The following DCLK3 variants were observed in gnomAD, a reference collection of about 807,000 sequenced individuals.
The protein encoded by DCLK3 is doublecortin like kinase 3.
DCLK3 carries 30 observed loss-of-function variants against 46.4 expected under a neutral mutation model. The observed-to-expected ratio is 0.65, with a 90% confidence interval of 0.48 to 0.88. DCLK3 has a LOEUF of 0.88. DCLK3 is among the 40% of genes least tolerant of loss of function. DCLK3 has a pLI of 0.00. For missense variants in DCLK3, 846 were observed against 907.1 expected, an observed-to-expected ratio of 0.93 and a Z score of 0.87; for synonymous variants, 401 against 339.2, an observed-to-expected ratio of 1.18 and a Z score of -2.00.
chr3:36,759,255 C>A (rs898108832), intron 1 of DCLK3, among the ~76,000 whole-genome samples: 4 of 152,142 alleles, frequency 2.6e-5, no homozygotes, highest in Non-Finnish European at 5.9e-5. Flanking sequence ...CTTTTTCTTC[C>A]ATCCCAGCCG....
At chr3:36,718,809 G>A (rs1023004180) in intron 3 of DCLK3, among the ~76,000 whole-genome samples, 3 of 151,890 alleles carry the variant, frequency 2.0e-5, no homozygotes, top group African/African-American at 7.3e-5. Flanking sequence ...ATCCCCATGT[G>A]TGCACACACT....
At chr3:36,742,191 C>T (rs1245628563) in intron 1 of DCLK3, among the ~76,000 whole-genome samples, 2 of 152,110 alleles carry the variant, frequency 1.3e-5, no homozygotes, top group Non-Finnish European at 2.9e-5. Context: ...ACAATAGGAC[C>T]AGTGGCCTCA....
Position 36,737,931 on chromosome 3 carries a change from C to T in DCLK3, c.1236G>A (p.Lys412=). 6.2e-7 allele frequency: 1 copy of T among 1,614,166 alleles called. No homozygotes were observed. The highest frequency in any genetic ancestry group is 8.5e-7 in the Non-Finnish European group (1 of 1,180,036). The change falls in exon 2 of 5, where the codon AAG becomes AAA. Residue 412 remains lysine (K), a synonymous_variant. Transcript: ENST00000636136. This position sits in a 1 kb window ranked among gnomAD's most constrained non-coding sequence, Gnocchi z 4.4. ...CAGGAAGAACTTCCACAAGGTCCTT[C>T]TTGGCCTTGGCTGCTCCCTGAGCAT... ...ESHAQGAAKA[K]KDLVEVLPVT...
chr3:36,738,071 C>G lies in DCLK3; in HGVS notation c.1096G>C (p.Gly366Arg). 6.2e-7 allele frequency: 1 copy of G among 1,613,728 alleles called. No individual in the cohort carries two copies. Among genetic ancestry groups the G allele is most frequent in the Non-Finnish European group, 8.5e-7 (1 of 1,179,822 alleles). ...CTCCTGTGGCTGTCACCCTTCCACCCTTCCTCCCCACTTGCAGGATTTGCC... is the reference window on the plus strand; with the variant it reads ...CTCCTGTGGCTGTCACCCTTCCACCGTTCCTCCCCACTTGCAGGATTTGCC... Reference protein sequence around the residue: ...PEANPASGEEGWKGDSHRSSP... With the variant: ...PEANPASGEERWKGDSHRSSP... Residue 366 changes from glycine (G) to arginine (R), a missense_variant, in exon 2 of 5, where the codon GGG becomes CGG. By Grantham distance (125) the Gly-to-Arg change is moderately radical. This residue lies in a region of DCLK3 where 553 missense variants were observed against 543.0 expected (regional missense o/e 1.02). Coordinates refer to ENST00000636136, the MANE Select transcript of DCLK3 (RefSeq NM_001394672.2).
chr3:36,721,300 C>CAT (rs1455639966), intron 3 of DCLK3, among the ~76,000 whole-genome samples: 2 of 152,022 alleles, frequency 1.3e-5, no homozygotes, highest in East Asian at 3.9e-4. Flanking sequence ...CACACACACA[C>CAT]ACATGCACAC....
Position 36,722,526 on chromosome 3 carries a change from GCT to G in DCLK3, c.1960-869_1960-868del, listed in dbSNP as rs1169985897. Among the ~76,000 whole-genome samples, 4 of 152,236 alleles carry G rather than the reference GCT, an allele frequency of 2.6e-5. No homozygotes were observed. In the East Asian group the frequency reaches 7.7e-4, roughly 29 times the overall value. ...CTAGTATGTACCCTGATATGGTTTG[GCT>G]GTGTCCCTACCCAAATCTCATCTTG... is the stretch of plus-strand genomic sequence containing the variant. On this transcript the variant is annotated intron_variant, in intron 2 of 4. Coordinates refer to ENST00000636136, the MANE Select transcript of DCLK3 (RefSeq NM_001394672.2).
intron 1 of DCLK3, among the ~76,000 whole-genome samples, chr3:36,761,250 C>T (rs4678902): frequency 0.86 from 131,582 of 152,230 alleles, 57,053 homozygotes; most frequent in African/African-American, 0.92. Context: ...CCTATAATCA[C>T]TGGATGAGTC....
At chr3:36,760,195 C>A (rs1015652401) in intron 1 of DCLK3, among the ~76,000 whole-genome samples, 3 of 152,256 alleles carry the variant, frequency 2.0e-5, no homozygotes, top group Non-Finnish European at 2.9e-5. Context: ...GAGGCCTGAA[C>A]CCTCCCCATC....
At chr3:36,725,447 C>G (rs536714178) in intron 2 of DCLK3, among the ~76,000 whole-genome samples, 36 of 152,048 alleles carry the variant, frequency 2.4e-4, no homozygotes, top group Non-Finnish European at 4.7e-4. Context: ...GGAGACCCCA[C>G]CTCTACAAAT....
chr3:36,730,346 G>A (rs1040026773), intron 2 of DCLK3, among the ~76,000 whole-genome samples: 1 of 151,914 alleles, frequency 6.6e-6, no homozygotes, highest in Non-Finnish European at 1.5e-5. Flanking sequence ...TTTGGTGTCT[G>A]TTTATTGCAT....
intron 4 of DCLK3, 51 bp from the exon 5 acceptor site, chr3:36,715,572 T>C: frequency 1.3e-6 from 2 of 1,501,198 alleles, no homozygotes; most frequent in Non-Finnish European, 1.8e-6. Context: ...TGGTTCTGAA[T>C]TTTTCTTCCC....
At chr3:36,749,765 A>G (rs1575146080) in intron 1 of DCLK3, among the ~76,000 whole-genome samples, 1 of 152,190 alleles carries the variant, frequency 6.6e-6, no homozygotes, top group African/African-American at 2.4e-5. Flanking sequence ...AATGATTTTG[A>G]CTTCTTGATA....
At position 36,715,474 on chromosome 3, in the gene DCLK3, G is replaced by A. The variant is rs749324049; in HGVS notation, c.2308C>T (p.Arg770Cys). Reference protein sequence around the residue: ...SRLLVVDPKKRYTAHQVLQHP... With the variant: ...SRLLVVDPKKCYTAHQVLQHP... ...TGAAGAACCTGATGAGCTGTGTAGCGCTTTTTGGGGTCTACCACCAGCAAC... is the reference window on the plus strand; with the variant it reads ...TGAAGAACCTGATGAGCTGTGTAGCACTTTTTGGGGTCTACCACCAGCAAC... The change falls in exon 5 of 5, where the codon CGC becomes TGC. Residue 770 changes from arginine (R) to cysteine (C), a missense_variant. This residue lies in a region of DCLK3 where 247 missense variants were observed against 322.8 expected (regional missense o/e 0.77). Coordinates refer to ENST00000636136, the MANE Select transcript of DCLK3 (RefSeq NM_001394672.2). The A allele has an allele frequency of 3.8e-6, 6 of 1,580,300 alleles. No homozygotes were observed. Among genetic ancestry groups the A allele is most frequent in the East Asian group, 2.3e-5 (1 of 43,372 alleles).
intron 2 of DCLK3, among the ~76,000 whole-genome samples, chr3:36,728,237 G>T (rs1179176210): frequency 6.6e-6 from 1 of 152,164 alleles, no homozygotes; most frequent in African/African-American, 2.4e-5. Context: ...TCCAAAGACG[G>T]GAAGCAAGTA....
intron 1 of DCLK3, among the ~76,000 whole-genome samples, chr3:36,759,142 C>T (rs912684909): frequency 2.6e-5 from 4 of 152,004 alleles, no homozygotes; most frequent in East Asian, 1.9e-4. Context: ...AATTTTTTTC[C>T]TTTAAAGGAA....
chr3:36,721,360 C>T (rs911728921), intron 3 of DCLK3, among the ~76,000 whole-genome samples, 167 bp downstream of exon 3: 7 of 152,182 alleles, frequency 4.6e-5, no homozygotes, highest in African/African-American at 1.4e-4. Context: ...GGAGAAAGCT[C>T]TCATGCTTTG....
At chr3:36,742,120 A>G (rs762777211) in intron 1 of DCLK3, among the ~76,000 whole-genome samples, 2 of 152,158 alleles carry the variant, frequency 1.3e-5, no homozygotes, top group African/African-American at 2.4e-5. Flanking sequence ...ATGAAACAGG[A>G]CTGACAGTAA....
intron 2 of DCLK3, among the ~76,000 whole-genome samples, chr3:36,733,254 T>A (rs1701221251): frequency 6.6e-6 from 1 of 152,186 alleles, no homozygotes; most frequent in Non-Finnish European, 1.5e-5. Flanking sequence ...AGTAGCAGAA[T>A]TGGAGACATG....
chr3:36,721,871 G>A (rs1036028187), intron 2 of DCLK3, among the ~76,000 whole-genome samples: 23 of 152,274 alleles, frequency 1.5e-4, no homozygotes, highest in African/African-American at 4.6e-4. Context: ...TTACTAGGCC[G>A]TCCAATATGG....
Sources: allele counts gnomAD v4.1 joint callset (sites outside exome capture counted in the v4.1 genomes callset), GRCh38; gene constraint gnomAD v4.1.1; regional missense constraint gnomAD v4.1.1; non-coding constraint Gnocchi (gnomAD v3.1); transcripts MANE v1.5; gene names NCBI Gene and HGNC (gene_info 2026-07-23, HGNC 2026-07-21).